Variants in ZBTB7A observed in about 807,000 individuals in gnomAD.
ZBTB7A encodes the protein zinc finger and BTB domain containing 7A.
Under a neutral mutation model 26.7 loss-of-function variants are expected in ZBTB7A, and 7 were observed. That is an observed-to-expected ratio of 0.26 (90% CI 0.15 to 0.49). ZBTB7A has a LOEUF of 0.49. Among genes scored for constraint, ZBTB7A ranks in the 20% least tolerant of loss-of-function variants. ZBTB7A has a pLI of 0.98. For missense variants in ZBTB7A, 617 were observed against 919.5 expected (o/e 0.67, Z 4.25); for synonymous variants, 452 against 441.0 (o/e 1.02, Z -0.31).
In ZBTB7A at chr19:4,047,083, T is replaced by C. The variant is rs1382212654; in HGVS notation, c.*669A>G. 6.7e-6 allele frequency: 1 copy of C among 149,036 alleles called. No individual in the cohort carries two copies. The allele number at this position is 149,036 out of a possible 1,614,324, so 9.2% of individuals were successfully genotyped here. On this transcript the variant is annotated 3_prime_UTR_variant, in exon 3 of 3. Coordinates refer to ENST00000322357, the MANE Select transcript of ZBTB7A (RefSeq NM_015898.4). ...TTCTCCAGGCCTAGAAATAAATAGG[T>C]TTGTGTCTCAGTGGCCAGGAGACGT...
chr19:4,059,999 G>A (rs944812933), intron 1 of ZBTB7A, among the ~76,000 whole-genome samples: 3 of 151,170 alleles, frequency 2.0e-5, no homozygotes, highest in African/African-American at 7.3e-5. Context: ...ACGCCAGCCA[G>A]GTCCCCACCC....
intron 2 of ZBTB7A, among the ~76,000 whole-genome samples, chr19:4,049,148 ATGTGTG>A (rs141419678): frequency 0.014 from 586 of 41,476 alleles, 27 homozygotes; most frequent in African/African-American, 0.043. Context: ...ATTAAACTAT[ATGTGTG>A]TGTGTGTGTG....
Position 4,048,715 on chromosome 19 carries a change from T to C in ZBTB7A, c.1263-471A>G, listed in dbSNP as rs1425289856. 6.6e-6 allele frequency among the ~76,000 whole-genome samples: 1 copy of C among 151,516 alleles called. No homozygotes were observed. The highest frequency in any genetic ancestry group is 1.5e-5 in the Non-Finnish European group (1 of 67,908). ...ACAAAAAACAAAAATCAGCCGGGCA[T>C]GGTAGCAGGCGCCCGTAATGCCAGC... is the stretch of plus-strand genomic sequence containing the variant. On this transcript the variant is annotated intron_variant, in intron 2 of 2. Transcript: ENST00000322357. The surrounding 1 kb of genome is among the most constrained non-coding windows in gnomAD (Gnocchi z 6.7).
At chr19:4,053,470 T>TG (rs1410079594) in intron 2 of ZBTB7A, among the ~76,000 whole-genome samples, 5 of 151,362 alleles carry the variant, frequency 3.3e-5, no homozygotes, top group Non-Finnish European at 4.4e-5. Context: ...CATGCATGTC[T>TG]GGGGGTGCGT....
chr19:4,059,165 T>G (rs528570899), intron 1 of ZBTB7A, among the ~76,000 whole-genome samples: 1 of 151,936 alleles, frequency 6.6e-6, no homozygotes. Flanking sequence ...CACCCCAGCA[T>G]GGGGGGAGAC....
rs1234611833 is a variant in ZBTB7A at position 4,048,914 on chromosome 19, G to A, written c.1263-670C>T. Among the ~76,000 whole-genome samples the A allele has an allele frequency of 6.7e-6, 1 of 150,102 alleles. No homozygotes were observed. Among genetic ancestry groups the A allele is most frequent in the African/African-American group, 2.4e-5 (1 of 40,868 alleles). ...AATCCCAGCTACTTGGGAGGTGGAG[G>A]TTGCAGTGAGCCCAGATCACGCCAC... On this transcript the variant is annotated intron_variant, in intron 2 of 2. Coordinates refer to ENST00000322357, the MANE Select transcript of ZBTB7A (RefSeq NM_015898.4). The surrounding 1 kb of genome is among the most constrained non-coding windows in gnomAD (Gnocchi z 6.7).
At chr19:4,053,512 T>TGTGC (rs71166953) in intron 2 of ZBTB7A, among the ~76,000 whole-genome samples, 1 of 134,170 alleles carries the variant, frequency 7.5e-6, no homozygotes, top group Non-Finnish European at 1.5e-5. Context: ...GGTGTGCGTG[T>TGTGC]GTGCGTGCGT....
intron 1 of ZBTB7A, chr19:4,065,718 C>G (rs1261294815): frequency 2.2e-5 from 3 of 133,932 alleles, no homozygotes; most frequent in East Asian, 2.3e-4. Flanking sequence ...CCGCCCTCCC[C>G]GGGGAGCGCG....
chr19:4,062,931 G>A (rs1013032947), intron 1 of ZBTB7A, among the ~76,000 whole-genome samples: 1 of 152,134 alleles, frequency 6.6e-6, no homozygotes, highest in African/African-American at 2.4e-5. Context: ...TGGGAAGACT[G>A]AGGCTGGCAG....
At chr19:4,049,162 GTGTGTGTATATATATATATATATA>G (rs1406474692) in intron 2 of ZBTB7A, among the ~76,000 whole-genome samples, 2 of 18,440 alleles carry the variant, frequency 1.1e-4, no homozygotes, top group African/African-American at 2.0e-4. Flanking sequence ...GTGTGTGTGT[GTGTGTGTATATATATATATATATA>G]TATATATATA....
intron 1 of ZBTB7A, among the ~76,000 whole-genome samples, chr19:4,056,486 G>A (rs2040579486): frequency 6.6e-6 from 1 of 152,170 alleles, no homozygotes; most frequent in South Asian, 2.1e-4. Context: ...AGCATTTTGG[G>A]GAGGCTGAGG....
In ZBTB7A at chr19:4,054,195, C is replaced by T; in HGVS notation, c.1038G>A (p.Lys346=). ...DSDEESRADD[K]GVMDYYLKYF... ...ACTTCAGGTAGTAGTCCATGACGCCCTTGTCGTCGGCCCGCGACTCCTCGT... is the reference window on the plus strand; with the variant it reads ...ACTTCAGGTAGTAGTCCATGACGCCTTTGTCGTCGGCCCGCGACTCCTCGT... Residue 346 remains lysine (K), a synonymous_variant, in exon 2 of 3, where the codon AAG becomes AAA. Coordinates refer to ENST00000322357, the MANE Select transcript of ZBTB7A (RefSeq NM_015898.4). 4 of 1,592,350 alleles carry T rather than the reference C, an allele frequency of 2.5e-6. No individual in the cohort carries two copies. The highest frequency in any genetic ancestry group is 1.1e-5 in the South Asian group (1 of 90,508).
Position 4,052,867 on chromosome 19 carries a change from C to T in ZBTB7A, c.1262+1104G>A, listed in dbSNP as rs1463681840. 6.6e-6 allele frequency among the ~76,000 whole-genome samples: 1 copy of T among 152,236 alleles called. No homozygotes were observed. The highest frequency in any genetic ancestry group is 1.5e-5 in the Non-Finnish European group (1 of 68,038). On this transcript the variant is annotated intron_variant, in intron 2 of 2. Coordinates refer to ENST00000322357, the MANE Select transcript of ZBTB7A (RefSeq NM_015898.4). This position sits in a 1 kb window ranked among gnomAD's most constrained non-coding sequence, Gnocchi z 4.9. ...CTGAGCTGGCCTCAGGGCCTCTGCA[C>T]TGGCTGTTCCCTCTGCCTGGAACGC...
At chr19:4,049,160 G>GTATATATA (rs1479974251) in intron 2 of ZBTB7A, among the ~76,000 whole-genome samples, 1 of 15,870 alleles carries the variant, frequency 6.3e-5, no homozygotes, top group African/African-American at 1.5e-4. Flanking sequence ...GTGTGTGTGT[G>GTATATATA]TGTGTGTGTA....
At position 4,048,791 on chromosome 19, in the gene ZBTB7A, T is replaced by A. The variant is rs2040457897; in HGVS notation, c.1263-547A>T. ...TCACTTGTATCTGGGAGGTGGAGGT[T>A]GCAGTGAAACTCCGTCTCAAAAAAA... On this transcript the variant is annotated intron_variant, in intron 2 of 2. Transcript: ENST00000322357. This position sits in a 1 kb window ranked among gnomAD's most constrained non-coding sequence, Gnocchi z 6.7. Among the ~76,000 whole-genome samples the A allele has an allele frequency of 6.6e-6, 1 of 151,588 alleles. No homozygotes were observed.
intron 1 of ZBTB7A, among the ~76,000 whole-genome samples, chr19:4,056,463 C>T (rs1195000123): frequency 6.6e-6 from 1 of 152,210 alleles, no homozygotes; most frequent in Non-Finnish European, 1.5e-5. Flanking sequence ...TCGGTGCTCA[C>T]GCCTGTAATT....
chr19:4,064,901 G>A (rs1338543320), intron 1 of ZBTB7A, among the ~76,000 whole-genome samples: 1 of 151,888 alleles, frequency 6.6e-6, no homozygotes, highest in East Asian at 1.9e-4. Flanking sequence ...GGGCCCGGGT[G>A]GACAGCAACC....
chr19:4,064,329 C>G (rs1010233831), intron 1 of ZBTB7A, among the ~76,000 whole-genome samples: 2 of 152,248 alleles, frequency 1.3e-5, no homozygotes, highest in African/African-American at 4.8e-5. Flanking sequence ...GCTCCTGCCC[C>G]CCCTTCTCCC....
At chr19:4,064,842 A>G (rs1463265858) in intron 1 of ZBTB7A, among the ~76,000 whole-genome samples, 2 of 151,152 alleles carry the variant, frequency 1.3e-5, no homozygotes, top group African/African-American at 4.9e-5. Context: ...CTCGCCGCCA[A>G]CTCCTGGCTG....
Sources: gnomAD v4.1 joint callset for allele counts (sites outside exome capture counted in the v4.1 genomes callset) on GRCh38, gnomAD v4.1.1 for gene constraint, Gnocchi (gnomAD v3.1) non-coding constraint, MANE v1.5 for transcripts, NCBI Gene and HGNC (gene_info 2026-07-23, HGNC 2026-07-21) for gene names.